The following ARAP3 variants were observed in gnomAD, a reference collection of about 807,000 sequenced individuals.
The protein encoded by ARAP3 is ArfGAP with RhoGAP domain, ankyrin repeat and PH domain 3, also known as arf-GAP with Rho-GAP domain, ANK repeat and PH domain-containing protein 3.
In ARAP3, 82 loss-of-function variants were observed where a neutral mutation model predicts 169.2. That is an observed-to-expected ratio of 0.48 (90% CI 0.41 to 0.58). The LOEUF is 0.58. ARAP3 is among the 20% of genes least tolerant of loss of function. The pLI, the probability that ARAP3 is intolerant of heterozygous loss-of-function variation, is 0.00. For synonymous variants in ARAP3, 791 were observed against 800.3 expected, an observed-to-expected ratio of 0.99 and a Z score of 0.20; for missense variants, 1,764 against 2,018.0, an observed-to-expected ratio of 0.87 and a Z score of 2.41.
intron 20 of ARAP3, 70 bp from the exon 21 acceptor site, chr5:141,661,859 G>T: frequency 6.4e-7 from 1 of 1,555,238 alleles, no homozygotes; most frequent in South Asian, 1.1e-5. Flanking sequence ...CAGAGGGAGG[G>T]ATTTTTAGGC....
At chr5:141,659,504 G>A in intron 22 of ARAP3, 28 bp from the exon 23 acceptor site, 1 of 1,612,032 alleles carries the variant, frequency 6.2e-7, no homozygotes, top group Non-Finnish European at 8.5e-7. Flanking sequence ...GAGAGTGTTG[G>A]GGTGCTGGAA....
At chr5:141,675,151 G>A (rs761289640) in intron 4 of ARAP3, among the ~76,000 whole-genome samples, 4 of 152,108 alleles carry the variant, frequency 2.6e-5, no homozygotes, top group Non-Finnish European at 5.9e-5. Context: ...AGAACTTGCC[G>A]CCTTCCATGC....
intron 32 of ARAP3, among the ~76,000 whole-genome samples, chr5:141,655,098 C>T (rs1376217369): frequency 6.6e-6 from 1 of 151,438 alleles, no homozygotes; most frequent in Non-Finnish European, 1.5e-5. Flanking sequence ...CTGGCCTCCT[C>T]TCTCTCTCTG....
intron 4 of ARAP3, among the ~76,000 whole-genome samples, chr5:141,675,419 A>G (rs1402147888): frequency 6.6e-6 from 1 of 152,208 alleles, no homozygotes. Flanking sequence ...CCTAAAAAAA[A>G]TAAAATAAAA....
At chr5:141,655,182 T>TACACACAC (rs3075597) in intron 32 of ARAP3, among the ~76,000 whole-genome samples, 180 bp downstream of exon 32, 2,563 of 95,526 alleles carry the variant, frequency 0.027, 263 homozygotes, top group African/African-American at 0.058. Flanking sequence ...CCTGATGGCC[T>TACACACAC]ACACACACAC....
rs749032188 is a variant in ARAP3 at position 141,673,858 on chromosome 5, A to G, written c.699-50T>C. 7.0e-6 allele frequency: 11 copies of G among 1,578,918 alleles called. No homozygotes were observed. In the Admixed American group the frequency reaches 1.0e-4, roughly 15 times the overall value. On this transcript the variant is annotated intron_variant, in intron 4 of 32. Coordinates refer to ENST00000239440, the MANE Select transcript of ARAP3 (RefSeq NM_022481.6). ...GACACACATTAGACAAGTACCCCGGACACCCTCTTTGTACTTTCTCCATCC... is the reference window on the plus strand; with the variant it reads ...GACACACATTAGACAAGTACCCCGGGCACCCTCTTTGTACTTTCTCCATCC...
chr5:141,676,134 G>A (rs936610503), intron 4 of ARAP3, among the ~76,000 whole-genome samples: 12 of 152,126 alleles, frequency 7.9e-5, no homozygotes, highest in African/African-American at 2.9e-4. Context: ...CGGATCACGA[G>A]GTCAAGAGGT....
Position 141,654,428 on chromosome 5 carries a change from T to C in ARAP3, c.4157A>G (p.Lys1386Arg). Residue 1386 changes from lysine (K) to arginine (R), a missense_variant, in exon 33 of 33, where the codon AAG becomes AGG. Coordinates refer to ENST00000239440, the MANE Select transcript of ARAP3 (RefSeq NM_022481.6). ...RRTLSMFFPM[K>R]SSQGSVEEQE... is the part of the protein sequence containing the mutation. ...CTCCTCCACAGACCCCTGGGATGAC[T>C]TCATTGGCTGGATGGGAATGGAATG... 1 of 1,574,602 alleles carries C rather than the reference T, an allele frequency of 6.4e-7. No homozygotes were observed. The highest frequency in any genetic ancestry group is 8.6e-7 in the Non-Finnish European group (1 of 1,159,410).
intron 16 of ARAP3, 69 bp downstream of exon 16, chr5:141,669,640 A>C: frequency 7.0e-7 from 1 of 1,419,602 alleles, no homozygotes; most frequent in Non-Finnish European, 9.9e-7. Flanking sequence ...GGAATAAGAG[A>C]GGAGAAGATG....
rs372629812 is a variant in ARAP3, at chr5:141,659,490, A to G, written c.3268-14T>C. On this transcript the variant is annotated splice_polypyrimidine_tract_variant and intron_variant, in intron 22 of 32. Coordinates refer to ENST00000239440, the MANE Select transcript of ARAP3 (RefSeq NM_022481.6). Reference sequence around the variant, plus strand: ...GTCAGAATCGATCTGTGAAAGAGCCAAAAGAGAGTGTTGGGGTGCTGGAAG... The same window carrying G: ...GTCAGAATCGATCTGTGAAAGAGCCGAAAGAGAGTGTTGGGGTGCTGGAAG... 7.0e-5 allele frequency: 113 copies of G among 1,613,964 alleles called. No homozygotes were observed. In the African/African-American group the frequency reaches 1.4e-3, roughly 21 times the overall value.
Position 141,671,376 on chromosome 5 carries a change from G to A in ARAP3, c.1879C>T (p.Pro627Ser). 2 of 1,613,062 alleles carry A rather than the reference G, an allele frequency of 1.2e-6. No homozygotes were observed. Among genetic ancestry groups the A allele is most frequent in the South Asian group, 1.1e-5 (1 of 90,880 alleles). Reference sequence around the variant, plus strand: ...TGGGTCATGTTCTTCAGCAGGTTGGGTCTTGCCACAGCTGCACACAGTGCC... The same window carrying A: ...TGGGTCATGTTCTTCAGCAGGTTGGATCTTGCCACAGCTGCACACAGTGCC... Reference protein sequence around the residue: ...LQALCAAVARPNLLKNMTQLL... With the variant: ...LQALCAAVARSNLLKNMTQLL... The change falls in exon 13 of 33, where the codon CCC becomes TCC. Residue 627 changes from proline to serine, a missense_variant. Physicochemically the swap from Pro to Ser is moderately conservative, Grantham distance 74. Coordinates refer to ENST00000239440, the MANE Select transcript of ARAP3 (RefSeq NM_022481.6). The surrounding 1 kb of genome is among the most constrained non-coding windows in gnomAD (Gnocchi z 4.9).
chr5:141,669,446 G>A (rs1409843849), intron 16 of ARAP3, among the ~76,000 whole-genome samples: 1 of 152,198 alleles, frequency 6.6e-6, no homozygotes, highest in Non-Finnish European at 1.5e-5. Flanking sequence ...CTGCCTCCTA[G>A]CTCTGTGACC....
chr5:141,671,658 G>A lies in ARAP3; in HGVS notation c.1766C>T (p.Pro589Leu). 4 of 1,614,016 alleles carry A rather than the reference G, an allele frequency of 2.5e-6. No homozygotes were observed. Among genetic ancestry groups the A allele is most frequent in the Non-Finnish European group, 3.4e-6 (4 of 1,179,954 alleles). ...EGLHPDATPGPRGEFISRKYR... is the reference protein window; with the variant it reads ...EGLHPDATPGLRGEFISRKYR... The stretch of plus-strand genomic sequence containing the variant: ...CTTTCGGGAGATGAACTCTCCCCGG[G>A]GGCCAGGGGTCGCATCTGGATGTAG... Residue 589 changes from proline (P) to leucine (L), a missense_variant, in exon 12 of 33, where the codon CCC becomes CTC. Pro to Leu is a moderately conservative substitution (Grantham distance 98). Around this residue, in one of 3 missense-constraint regions of ARAP3, gnomAD observed 1,112 missense variants for 1,285.7 expected, o/e 0.86. Transcript: ENST00000239440. The surrounding 1 kb of genome is among the most constrained non-coding windows in gnomAD (Gnocchi z 4.9).
In ARAP3 at chr5:141,669,973, T is replaced by C. The variant is rs746541256; in HGVS notation, c.2198A>G (p.Gln733Arg). 1 of 1,600,406 alleles carries C rather than the reference T, an allele frequency of 6.2e-7. No individual in the cohort carries two copies. The highest frequency in any genetic ancestry group is 8.5e-7 in the Non-Finnish European group (1 of 1,176,342). ...SPEPLSLIQP[Q>R]DIVCLGVSPP... is the part of the protein sequence containing the mutation. ...GCTCACACCCAGACATACAATATCC[T>C]GGGGCTGTATGAGGCTGAGGGGTTC... is the stretch of plus-strand genomic sequence containing the variant. The change falls in exon 15 of 33, where the codon CAG becomes CGG. Residue 733 changes from glutamine to arginine, a missense_variant. Around this residue, in one of 3 missense-constraint regions of ARAP3, gnomAD observed 1,112 missense variants for 1,285.7 expected, o/e 0.86. Transcript: ENST00000239440.
Position 141,670,065 on chromosome 5 carries a change from T to A in ARAP3, c.2108-2A>T. 1 of 1,587,368 alleles carries A rather than the reference T, an allele frequency of 6.3e-7. No homozygotes were observed. The highest frequency in any genetic ancestry group is 8.5e-7 in the Non-Finnish European group (1 of 1,173,494). On this transcript the variant is annotated splice_acceptor_variant, in intron 14 of 32. Transcript: ENST00000239440. LOFTEE classifies it high-confidence loss of function. ...GCACACACCAAAGGCGCGGGGGAGC[T>A]AAGGCAGAGGGAGATAGTCAGGGAG...
chr5:141,680,193 G>A lies in ARAP3; in HGVS notation c.294C>T (p.Pro98=), dbSNP rs751979295. Reference sequence around the variant, plus strand: ...CACTGAGTCCACCAAACACGGTCCTGGGCTTCGGCACGGGCTTAGGGGGCT... The same window carrying A: ...CACTGAGTCCACCAAACACGGTCCTAGGCTTCGGCACGGGCTTAGGGGGCT... ...QAQPPKPVPK[P]RTVFGGLSGP... The change falls in exon 2 of 33, where the codon CCC becomes CCT. Residue 98 remains proline (P), a synonymous_variant. Transcript: ENST00000239440. The A allele has an allele frequency of 4.3e-6, 7 of 1,610,904 alleles. No individual in the cohort carries two copies. The highest frequency in any genetic ancestry group is 1.1e-5 in the South Asian group (1 of 90,840).
At chr5:141,655,497 A>T in intron 31 of ARAP3, 97 bp from the exon 32 acceptor site, 1 of 1,577,776 alleles carries the variant, frequency 6.3e-7, no homozygotes, top group Middle Eastern at 1.8e-4. Flanking sequence ...GGGGTGAAGA[A>T]GGCAGAAGGG....
In ARAP3 at chr5:141,680,051, A is replaced by C. The variant is rs909026070; in HGVS notation, c.436T>G (p.Ser146Ala). 1 of 1,614,142 alleles carries C rather than the reference A, an allele frequency of 6.2e-7. No individual in the cohort carries two copies. ...ATCTCCACAGTATTTAGGGCTGAAG[A>C]CTGCTCAGAGGAGGAAGTGGGGAGA... is the stretch of plus-strand genomic sequence containing the variant. Reference protein sequence around the residue: ...PPLPTSSSEQSSALNTVEMMP... With the variant: ...PPLPTSSSEQASALNTVEMMP... The change falls in exon 2 of 33, where the codon TCT (serine) becomes GCT (alanine). Residue 146 changes from serine (S) to alanine (A), a missense_variant. Coordinates refer to ENST00000239440, the MANE Select transcript of ARAP3 (RefSeq NM_022481.6).
At position 141,682,194 on chromosome 5, in the gene ARAP3, G is replaced by T. The variant is rs1001723478; in HGVS notation, c.-39C>A. 2.6e-5 allele frequency: 4 copies of T among 152,290 alleles called. No individual in the cohort carries two copies. The highest frequency in any genetic ancestry group is 9.7e-5 in the African/African-American group (4 of 41,428). The allele number at this position is 152,290 out of a possible 1,614,324, so 9.4% of individuals were successfully genotyped here. ...TCACCTCACTACGCGGCCGCCGTCC[G>T]CTCGCGGGTGCCCGCCGCTCGTCCG... On this transcript the variant is annotated 5_prime_UTR_variant, in exon 1 of 33. Transcript: ENST00000239440.
Sources: allele counts gnomAD v4.1 joint callset (sites outside exome capture counted in the v4.1 genomes callset), GRCh38; gene constraint gnomAD v4.1.1; regional missense constraint gnomAD v4.1.1; non-coding constraint Gnocchi (gnomAD v3.1); transcripts MANE v1.5; gene names NCBI Gene and HGNC (gene_info 2026-07-23, HGNC 2026-07-21).